EPAS1: variants seen among roughly 807,000 people sequenced by gnomAD.
EPAS1 encodes endothelial PAS domain-containing protein 1.
In EPAS1, 23 loss-of-function variants were observed where a neutral mutation model predicts 87.9. That is an observed-to-expected ratio of 0.26 (90% CI 0.19 to 0.37). The LOEUF (loss-of-function observed/expected upper bound fraction) is 0.37. Ranked by LOEUF, EPAS1 falls within the 10% of genes least tolerant of loss-of-function variation. EPAS1 has a pLI of 1.00. For synonymous variants in EPAS1, 508 were observed against 444.3 expected (o/e 1.14, Z -1.80); for missense variants, 1,138 against 1,120.7 (o/e 1.02, Z -0.22).
At chr2:46,338,461 G>A (rs754529559) in intron 1 of EPAS1, among the ~76,000 whole-genome samples, 1 of 152,164 alleles carries the variant, frequency 6.6e-6, no homozygotes, top group South Asian at 2.1e-4. Flanking sequence ...GGAGAGCCAC[G>A]CAAATGCCTC....
chr2:46,349,749 A>C (rs1312984088), intron 2 of EPAS1, among the ~76,000 whole-genome samples: 1 of 152,256 alleles, frequency 6.6e-6, no homozygotes, highest in African/African-American at 2.4e-5. Context: ...CTCCTGCCAC[A>C]CATTCGCTAG....
chr2:46,379,318 A>G (rs1484291129), intron 11 of EPAS1, among the ~76,000 whole-genome samples: 1 of 152,182 alleles, frequency 6.6e-6, no homozygotes, highest in African/African-American at 2.4e-5. Context: ...GTGTTTTACA[A>G]AACCCCAGGG....
At chr2:46,321,316 G>C (rs1200486340) in intron 1 of EPAS1, among the ~76,000 whole-genome samples, 1 of 152,170 alleles carries the variant, frequency 6.6e-6, no homozygotes, top group East Asian at 1.9e-4. Context: ...CCACCTTTGG[G>C]TGTTGTGAAT....
chr2:46,320,117 G>A (rs1683424421), intron 1 of EPAS1, among the ~76,000 whole-genome samples: 1 of 152,100 alleles, frequency 6.6e-6, no homozygotes, highest in Admixed American at 6.6e-5. Context: ...AGAATTACTG[G>A]CCAGACTCTT....
intron 12 of EPAS1, 81 bp from the exon 13 acceptor site, chr2:46,381,515 G>C: frequency 6.2e-7 from 1 of 1,609,318 alleles, no homozygotes; most frequent in Admixed American, 1.7e-5. Context: ...CATTGGGACT[G>C]GAAGGGCCCC....
In EPAS1 at chr2:46,376,740, C is replaced by G. The variant is rs1199645574; in HGVS notation, c.1236C>G (p.Ile412Met). ...CTCCCACCCCAGGAGACGCCATCAT[C>G]TCTCTGGATTTCGGTGGGTGCTTCT... ...QLAPTPGDAI[I>M]SLDFGNQNFE... Residue 412 changes from isoleucine to methionine, a missense_variant, in exon 9 of 16, where the codon ATC (isoleucine) becomes ATG (methionine). Ile to Met is a conservative substitution (Grantham distance 10). Coordinates refer to ENST00000263734, the MANE Select transcript of EPAS1 (RefSeq NM_001430.5). 2 of 1,612,354 alleles carry G rather than the reference C, an allele frequency of 1.2e-6. No individual in the cohort carries two copies. The highest frequency in any genetic ancestry group is 2.2e-5 in the East Asian group (1 of 44,892).
At chr2:46,367,154 A>G (rs1041547692) in intron 6 of EPAS1, among the ~76,000 whole-genome samples, 2 of 152,252 alleles carry the variant, frequency 1.3e-5, no homozygotes, top group Non-Finnish European at 2.9e-5. Context: ...AAACATGCCC[A>G]TTGTATGCCT....
chr2:46,330,333 C>G (rs1016383945), intron 1 of EPAS1, among the ~76,000 whole-genome samples: 1 of 152,192 alleles, frequency 6.6e-6, no homozygotes, highest in Non-Finnish European at 1.5e-5. Flanking sequence ...GTCTTTTTCT[C>G]TTCCTACACG....
chr2:46,357,088 A>C (rs1416492264), intron 4 of EPAS1, among the ~76,000 whole-genome samples: 1 of 152,230 alleles, frequency 6.6e-6, no homozygotes, highest in Non-Finnish European at 1.5e-5. Context: ...TCATCACCCA[A>C]GAGTCAAGCA....
intron 1 of EPAS1, among the ~76,000 whole-genome samples, chr2:46,327,261 A>G (rs1484850351): frequency 6.6e-6 from 1 of 152,198 alleles, no homozygotes; most frequent in Non-Finnish European, 1.5e-5. Context: ...TGAAAAAGAG[A>G]AAAAGTAGGA....
At chr2:46,317,776 T>C (rs1228337010) in intron 1 of EPAS1, among the ~76,000 whole-genome samples, 1 of 152,242 alleles carries the variant, frequency 6.6e-6, no homozygotes, top group Non-Finnish European at 1.5e-5. Flanking sequence ...TCAATGATCT[T>C]AGCTAGATCT....
chr2:46,324,264 TCAC>T (rs374310930), intron 1 of EPAS1, among the ~76,000 whole-genome samples: 65 of 152,294 alleles, frequency 4.3e-4, no homozygotes, highest in African/African-American at 1.3e-3. Flanking sequence ...AAACAGAGTT[TCAC>T]CACGTTAGCC....
At chr2:46,305,359 G>A (rs1200312283) in intron 1 of EPAS1, among the ~76,000 whole-genome samples, 1 of 152,094 alleles carries the variant, frequency 6.6e-6, no homozygotes, top group Non-Finnish European at 1.5e-5. Context: ...GACTGCCTTA[G>A]GCTGTTTGCA....
chr2:46,298,463 G>A (rs1177444502), intron 1 of EPAS1, among the ~76,000 whole-genome samples: 1 of 152,226 alleles, frequency 6.6e-6, no homozygotes, highest in Non-Finnish European at 1.5e-5. Flanking sequence ...TCCTACCGAG[G>A]AGCCAGGACC....
intron 1 of EPAS1, among the ~76,000 whole-genome samples, chr2:46,328,252 C>T (rs1310249482): frequency 6.6e-6 from 1 of 152,190 alleles, no homozygotes; most frequent in Non-Finnish European, 1.5e-5. Context: ...GAGCTAGGAG[C>T]TTGAGTGGGT....
In EPAS1 at chr2:46,369,911, C is replaced by T. The variant is rs1684592092; in HGVS notation, c.864C>T (p.Asn288=). The change falls in exon 7 of 16, where the codon AAC becomes AAT. Residue 288 remains asparagine (N), a synonymous_variant. Coordinates refer to ENST00000263734, the MANE Select transcript of EPAS1 (RefSeq NM_001430.5). ...YEFYHALDSE[N]MTKSHQNLCT... ...TCTACCATGCGCTAGACTCCGAGAA[C>T]ATGACCAAGAGTCACCAGAACTGTG... The T allele has an allele frequency of 1.2e-6, 2 of 1,611,620 alleles. No individual in the cohort carries two copies. Among genetic ancestry groups the T allele is most frequent in the Non-Finnish European group, 1.7e-6 (2 of 1,178,822 alleles).
At chr2:46,384,469 G>C (rs200135137) in intron 15 of EPAS1, 40 bp from the exon 16 acceptor site, 1 of 1,614,014 alleles carries the variant, frequency 6.2e-7, no homozygotes, top group Admixed American at 1.7e-5. Flanking sequence ...CCAAATGTTC[G>C]ATTTAGGCCT....
intron 1 of EPAS1, among the ~76,000 whole-genome samples, chr2:46,333,213 G>A (rs1464053862): frequency 6.6e-6 from 1 of 152,158 alleles, no homozygotes; most frequent in Non-Finnish European, 1.5e-5. Flanking sequence ...ACAGCTGGGG[G>A]ACCGTGACTG....
In EPAS1 at chr2:46,375,178, G is replaced by A. The variant is rs1303515795; in HGVS notation, c.887-512G>A. On this transcript the variant is annotated intron_variant, in intron 7 of 15. Transcript: ENST00000263734. This position sits in a 1 kb window ranked among gnomAD's most constrained non-coding sequence, Gnocchi z 4.1. ...GCAGGGTATTGGTGGTGGGTCTGCT[G>A]AAAAAAAAAAACAAAAAAAAACAAA... Among the ~76,000 whole-genome samples, 16 of 117,566 alleles carry A rather than the reference G, an allele frequency of 1.4e-4. No individual in the cohort carries two copies. The highest frequency in any genetic ancestry group is 8.7e-4 in the South Asian group (3 of 3,438). The allele number at this position is 117,566 out of a possible 152,430, so 77.1% of individuals were successfully genotyped here.
Sources: gnomAD v4.1 joint callset for allele counts (sites outside exome capture counted in the v4.1 genomes callset) on GRCh38, gnomAD v4.1.1 for gene constraint, Gnocchi (gnomAD v3.1) non-coding constraint, MANE v1.5 for transcripts, NCBI Gene and HGNC (gene_info 2026-07-23, HGNC 2026-07-21) for gene names.